Variants in ST18 observed in about 807,000 individuals in gnomAD.
ST18 encodes suppression of tumorigenicity 18 protein.
A neutral mutation model predicts 110.0 loss-of-function variants in ST18; 50 were observed. The observed-to-expected ratio is 0.45, with a 90% CI of 0.36 to 0.58. The LOEUF is 0.58. Ranked by LOEUF, ST18 falls within the 20% of genes least tolerant of loss-of-function variation. ST18 has a pLI of 0.00. For synonymous variants in ST18, 461 were observed against 452.4 expected, an observed-to-expected ratio of 1.02 and a Z score of -0.24; for missense variants, 1,306 against 1,280.1, an observed-to-expected ratio of 1.02 and a Z score of -0.31.
rs757569082 is a variant in ST18, at chr8:52,172,366, G to T, written c.495C>A (p.Asp165Glu). The change falls in exon 10 of 26, where the codon GAC (aspartate) becomes GAA (glutamate). Residue 165 changes from aspartate (D) to glutamate (E), a missense_variant. Physicochemically the swap from Asp to Glu is conservative, Grantham distance 45. Transcript: ENST00000689386. ...CATCAGAATGAATCAGAAAGCACTC[G>T]TCTGCTTCATCGCTCTCTGCTTTTA... ...QSLKAESDEA[D>E]ECFLIHSDDG... 1 of 1,614,076 alleles carries T rather than the reference G, an allele frequency of 6.2e-7. No individual in the cohort carries two copies. The highest frequency in any genetic ancestry group is 1.3e-5 in the African/African-American group (1 of 75,044).
At chr8:52,194,198 G>A (rs1456371416) in intron 8 of ST18, among the ~76,000 whole-genome samples, 1 of 152,108 alleles carries the variant, frequency 6.6e-6, no homozygotes, top group Non-Finnish European at 1.5e-5. Flanking sequence ...ATAACAACGA[G>A]AGGAGTAACA....
chr8:52,315,371 T>G (rs941368044), intron 2 of ST18, among the ~76,000 whole-genome samples: 1 of 152,078 alleles, frequency 6.6e-6, no homozygotes, highest in African/African-American at 2.4e-5. Context: ...GGGAGGTGAG[T>G]GACATCACCA....
intron 2 of ST18, chr8:52,407,174 G>A (rs1449814460): frequency 1.3e-5 from 2 of 152,054 alleles, no homozygotes; most frequent in African/African-American, 2.4e-5. Flanking sequence ...GTCCCCTCAC[G>A]TTCTTTGGAA....
chr8:52,184,447 T>C (rs920971904), intron 8 of ST18, among the ~76,000 whole-genome samples: 1 of 152,344 alleles, frequency 6.6e-6, no homozygotes, highest in East Asian at 1.9e-4. Flanking sequence ...TTGAGAAATA[T>C]ACCTTTTACT....
chr8:52,352,088 G>A (rs1820625755), intron 2 of ST18, among the ~76,000 whole-genome samples: 1 of 152,164 alleles, frequency 6.6e-6, no homozygotes, highest in African/African-American at 2.4e-5. Context: ...GAAAGAGCCA[G>A]AAATGCAAAG....
At chr8:52,171,678 T>G in intron 10 of ST18, 114 bp downstream of exon 10, 1 of 1,055,386 alleles carries the variant, frequency 9.5e-7, no homozygotes, top group Non-Finnish European at 1.4e-6. Flanking sequence ...TAAATTGATT[T>G]TTAAGTTGCA....
intron 23 of ST18, 29 bp downstream of exon 23, chr8:52,126,023 G>A: frequency 6.3e-7 from 1 of 1,599,556 alleles, no homozygotes; most frequent in Non-Finnish European, 8.6e-7. Context: ...CCCTGCAGGA[G>A]GTGGTGACAG....
At chr8:52,220,274 T>C (rs916390358) in intron 5 of ST18, among the ~76,000 whole-genome samples, 2 of 152,222 alleles carry the variant, frequency 1.3e-5, no homozygotes, top group Non-Finnish European at 2.9e-5. Context: ...TCATTTGAAA[T>C]AGATTTCTCT....
At chr8:52,187,786 G>A (rs1263934327) in intron 8 of ST18, among the ~76,000 whole-genome samples, 5 of 152,074 alleles carry the variant, frequency 3.3e-5, no homozygotes, top group Admixed American at 2.0e-4. Context: ...TGTACATTTG[G>A]CCTAATTACC....
At chr8:52,140,254 G>A (rs887725087) in intron 17 of ST18, among the ~76,000 whole-genome samples, 4 of 152,228 alleles carry the variant, frequency 2.6e-5, no homozygotes, top group African/African-American at 7.2e-5. Flanking sequence ...ATTAGACTGG[G>A]CGTGGTGGCT....
At chr8:52,265,460 G>A (rs1241179473) in intron 2 of ST18, among the ~76,000 whole-genome samples, 1 of 152,196 alleles carries the variant, frequency 6.6e-6, no homozygotes, top group Non-Finnish European at 1.5e-5. Flanking sequence ...ATAAATTGAA[G>A]GGAGACAGAG....
At chr8:52,408,999 C>A (rs1398736546) in intron 2 of ST18, 3 of 152,220 alleles carry the variant, frequency 2.0e-5, no homozygotes, top group Non-Finnish European at 4.4e-5. Flanking sequence ...AAAGAAATTC[C>A]TTACTGTACA....
At chr8:52,318,727 A>C (rs2096071784) in intron 2 of ST18, among the ~76,000 whole-genome samples, 1 of 152,206 alleles carries the variant, frequency 6.6e-6, no homozygotes, top group South Asian at 2.1e-4. Flanking sequence ...TGGTACATAT[A>C]CACCATGGAA....
At chr8:52,359,454 A>C (rs1463204408) in intron 2 of ST18, among the ~76,000 whole-genome samples, 1 of 152,108 alleles carries the variant, frequency 6.6e-6, no homozygotes, top group African/African-American at 2.4e-5. Context: ...ATAGGGCTTA[A>C]ATTTGAATGG....
chr8:52,136,683 A>G, intron 18 of ST18, 25 bp from the exon 19 acceptor site: 1 of 1,573,872 alleles, frequency 6.4e-7, no homozygotes, highest in Non-Finnish European at 8.7e-7. Flanking sequence ...GGAAAAAAAC[A>G]CAACACAACA....
intron 2 of ST18, among the ~76,000 whole-genome samples, chr8:52,235,092 C>T (rs1589048560): frequency 6.6e-6 from 1 of 151,968 alleles, no homozygotes; most frequent in Admixed American, 6.6e-5. Flanking sequence ...CAAATACCAC[C>T]TGTTCCCCAA....
intron 25 of ST18, among the ~76,000 whole-genome samples, chr8:52,114,051 C>T (rs1294912485): frequency 1.4e-5 from 2 of 138,274 alleles, no homozygotes; most frequent in Non-Finnish European, 3.0e-5. Flanking sequence ...CTCACTGCAA[C>T]CTCTGCCTCC....
intron 2 of ST18, among the ~76,000 whole-genome samples, chr8:52,372,250 A>C (rs1830529982): frequency 6.6e-6 from 1 of 152,226 alleles, no homozygotes; most frequent in South Asian, 2.1e-4. Flanking sequence ...ATTTAAAAAT[A>C]GAAAAAAGCT....
At chr8:52,406,620 G>A (rs952419749) in intron 2 of ST18, 3 of 152,276 alleles carry the variant, frequency 2.0e-5, no homozygotes, top group Non-Finnish European at 4.4e-5. Context: ...GGAACCCGCA[G>A]GCAGCCAGCT....
Sources: gnomAD v4.1 joint callset for allele counts (sites outside exome capture counted in the v4.1 genomes callset) on GRCh38, gnomAD v4.1.1 for gene constraint, MANE v1.5 for transcripts, NCBI Gene and HGNC (gene_info 2026-07-23, HGNC 2026-07-21) for gene names.